ARHGEF33: variants seen among roughly 807,000 people sequenced by gnomAD.
The protein encoded by ARHGEF33 is DH and coiled-coil domain-containing protein ENSP00000381780.
In ARHGEF33, 72 loss-of-function variants were observed where a neutral mutation model predicts 101.9. The ratio of observed to expected loss-of-function variants is 0.71; its 90% CI spans 0.58 to 0.86. The LOEUF is 0.86. Ranked by LOEUF, ARHGEF33 falls within the 40% of genes least tolerant of loss-of-function variation. The pLI is 0.00. For synonymous variants in ARHGEF33, 499 were observed against 442.5 expected (o/e 1.13, Z -1.60); for missense variants, 1,169 against 1,111.3 (o/e 1.05, Z -0.74).
chr2:38,919,261 C>G (rs2124991206), intron 2 of ARHGEF33, 102 bp from the exon 3 acceptor site: 1 of 571,470 alleles, frequency 1.7e-6, no homozygotes, highest in East Asian at 2.9e-5. Context: ...TTGCATGTAC[C>G]TCAAGCTGTG....
chr2:38,972,222 A>G (rs955957521), intron 17 of ARHGEF33, among the ~76,000 whole-genome samples: 1 of 152,178 alleles, frequency 6.6e-6, no homozygotes, highest in African/African-American at 2.4e-5. Context: ...ATATCTTCCT[A>G]AATTTGGGGC....
At chr2:38,969,901 T>G (rs1437251717) in intron 17 of ARHGEF33, among the ~76,000 whole-genome samples, 1 of 152,206 alleles carries the variant, frequency 6.6e-6, no homozygotes, top group African/African-American at 2.4e-5. Flanking sequence ...TGTCAAAGAC[T>G]TAAACCTAGA....
At chr2:38,899,737 G>A (rs114520966) in intron 2 of ARHGEF33, among the ~76,000 whole-genome samples, 2,030 of 152,218 alleles carry the variant, frequency 0.013, 22 homozygotes, top group Non-Finnish European at 0.02. Flanking sequence ...AGTATATAAG[G>A]TGACAGGTAG....
intron 2 of ARHGEF33, among the ~76,000 whole-genome samples, chr2:38,909,786 T>A (rs1016314488): frequency 6.6e-6 from 1 of 151,382 alleles, no homozygotes; most frequent in Non-Finnish European, 1.5e-5. Flanking sequence ...CACTTGTGTA[T>A]CTTCATATTG....
At chr2:38,941,269 T>G (rs750795425) in intron 9 of ARHGEF33, among the ~76,000 whole-genome samples, 6 of 152,196 alleles carry the variant, frequency 3.9e-5, no homozygotes, top group Non-Finnish European at 5.9e-5. Context: ...AGTTGAACTA[T>G]GAACTAAATA....
rs1486083670 is a variant in ARHGEF33 at position 38,929,722 on chromosome 2, A to G, written c.254A>G (p.Asn85Ser). Residue 85 changes from asparagine (N) to serine (S), a missense_variant, in exon 6 of 18, where the codon AAT becomes AGT. Transcript: ENST00000409978. The part of the protein sequence containing the change: ...SLNYFKEELS[N>S]AMSMIQAITS... Reference sequence around the variant, plus strand: ...CTTATTTTTTAGGAAGAGCTGAGCAATGCCATGTCGATGATCCAAGCCATC... The same window carrying G: ...CTTATTTTTTAGGAAGAGCTGAGCAGTGCCATGTCGATGATCCAAGCCATC... 9.7e-6 allele frequency: 15 copies of G among 1,551,912 alleles called. No individual in the cohort carries two copies. Among genetic ancestry groups the G allele is most frequent in the Admixed American group, 7.8e-5 (4 of 50,992 alleles).
chr2:38,925,876 G>A (rs938419627), intron 4 of ARHGEF33, among the ~76,000 whole-genome samples: 1 of 152,030 alleles, frequency 6.6e-6, no homozygotes, highest in Non-Finnish European at 1.5e-5. Flanking sequence ...CCTGGGTAAT[G>A]TGGCAAAAAG....
chr2:38,897,231 A>G (rs1260717555), intron 2 of ARHGEF33, among the ~76,000 whole-genome samples: 2 of 152,244 alleles, frequency 1.3e-5, no homozygotes, highest in African/African-American at 4.8e-5. Flanking sequence ...TGTACTTTTC[A>G]TAGTACACTC....
At chr2:38,925,939 C>T (rs894271412) in intron 4 of ARHGEF33, among the ~76,000 whole-genome samples, 27 of 151,738 alleles carry the variant, frequency 1.8e-4, no homozygotes, top group African/African-American at 6.5e-4. Context: ...AAGTATGAGG[C>T]CTGAGGGATC....
intron 2 of ARHGEF33, among the ~76,000 whole-genome samples, chr2:38,899,084 G>T (rs534751487): frequency 4.6e-5 from 7 of 151,722 alleles, no homozygotes; most frequent in African/African-American, 1.2e-4. Context: ...AACTTCTGTG[G>T]TTTTTTTTAG....
At chr2:38,940,585 T>C (rs1667278901) in intron 9 of ARHGEF33, among the ~76,000 whole-genome samples, 1 of 152,208 alleles carries the variant, frequency 6.6e-6, no homozygotes, top group African/African-American at 2.4e-5. Context: ...GTTGATTTTT[T>C]TCATCTTCTG....
intron 16 of ARHGEF33, among the ~76,000 whole-genome samples, chr2:38,962,723 C>G (rs928866273): frequency 6.6e-6 from 1 of 151,922 alleles, no homozygotes; most frequent in Non-Finnish European, 1.5e-5. Context: ...ACTTAAAAGG[C>G]CCTGGTTGTG....
intron 8 of ARHGEF33, chr2:38,937,065 G>T: frequency 4.0e-6 from 1 of 252,960 alleles, no homozygotes; most frequent in Non-Finnish European, 7.6e-6. Context: ...GGCGATCTCG[G>T]CTCACTGCAA....
intron 12 of ARHGEF33, among the ~76,000 whole-genome samples, chr2:38,953,613 G>T (rs1212968734): frequency 6.6e-6 from 1 of 152,184 alleles, no homozygotes; most frequent in Non-Finnish European, 1.5e-5. Flanking sequence ...TCCTTTGTCA[G>T]TTTATAAGAT....
At chr2:38,942,250 C>T (rs941676877) in intron 9 of ARHGEF33, among the ~76,000 whole-genome samples, 1 of 149,068 alleles carries the variant, frequency 6.7e-6, no homozygotes, top group African/African-American at 2.5e-5. Flanking sequence ...TCACTGCCAC[C>T]TCTGCCTCCC....
chr2:38,906,024 ACTTGTGCC>A (rs1205558341), intron 2 of ARHGEF33, among the ~76,000 whole-genome samples: 1 of 152,048 alleles, frequency 6.6e-6, no homozygotes, highest in Non-Finnish European at 1.5e-5. Context: ...TGGCCAAATC[ACTTGTGCC>A]CAGGAGTTCG....
intron 7 of ARHGEF33, among the ~76,000 whole-genome samples, chr2:38,931,790 CAAAA>C: frequency 6.6e-6 from 1 of 151,912 alleles, no homozygotes; most frequent in African/African-American, 2.4e-5. Context: ...AAAGTAAAAA[CAAAA>C]AAAATTTGCC....
chr2:38,950,858 A>G, intron 10 of ARHGEF33, 131 bp from the exon 11 acceptor site: 1 of 830,480 alleles, frequency 1.2e-6, no homozygotes, highest in Non-Finnish European at 1.8e-6. Flanking sequence ...ACTTTAAAAA[A>G]TCCTTAATGC....
At position 38,953,152 on chromosome 2, in the gene ARHGEF33, T is replaced by C; in HGVS notation, c.1054-10T>C. ...GGTTCTTACCATGCATTTTTGTGTT[T>C]GTTTTAAAGAATAATTTCTTGGATT... is the stretch of plus-strand genomic sequence containing the variant. On this transcript the variant is annotated splice_polypyrimidine_tract_variant and intron_variant, in intron 11 of 17. Transcript: ENST00000409978. The C allele has an allele frequency of 7.3e-7, 1 of 1,379,104 alleles. No homozygotes were observed. The highest frequency in any genetic ancestry group is 1.2e-5 in the South Asian group (1 of 80,714). The allele number at this position is 1,379,104 out of a possible 1,614,324, so 85.4% of individuals were successfully genotyped here.
Sources: allele counts gnomAD v4.1 joint callset (sites outside exome capture counted in the v4.1 genomes callset), GRCh38; gene constraint gnomAD v4.1.1; transcripts MANE v1.5; gene names NCBI Gene and HGNC (gene_info 2026-07-23, HGNC 2026-07-21).